Variants in RAB5A observed in about 807,000 individuals in gnomAD.
RAB5A encodes RAB5A, member RAS oncogene family.
Under a neutral mutation model 25.7 loss-of-function variants are expected in RAB5A, and 8 were observed. The observed-to-expected ratio is 0.31, with a 90% CI of 0.18 to 0.56. The LOEUF is 0.56. RAB5A is among the 20% of genes least tolerant of loss of function. RAB5A has a pLI of 0.91. For missense variants in RAB5A, 192 were observed against 259.7 expected, an observed-to-expected ratio of 0.74 and a Z score of 1.79; for synonymous variants, 98 against 89.8, an observed-to-expected ratio of 1.09 and a Z score of -0.52.
At chr3:19,950,246 TCCAAAATTA>T (rs1014440984) in intron 1 of RAB5A, among the ~76,000 whole-genome samples, 12 of 152,182 alleles carry the variant, frequency 7.9e-5, no homozygotes, top group African/African-American at 2.7e-4. Context: ...ATATTTGTTG[TCCAAAATTA>T]CCATTAATTA....
intron 2 of RAB5A, among the ~76,000 whole-genome samples, chr3:19,955,229 A>G (rs2125179865): frequency 6.6e-6 from 1 of 152,342 alleles, no homozygotes; most frequent in East Asian, 1.9e-4. Flanking sequence ...TACCACAGTT[A>G]CAATTTTGTA....
rs1197713741 is a variant in RAB5A, at chr3:19,980,720, C to T, written c.532+2317C>T. ...TTGTGTCCCAGGTACCAGTGTTCAA[C>T]ATTTCTGGGGCTTTGCTTGTAAATA... On this transcript the variant is annotated intron_variant, in intron 5 of 5. Coordinates refer to ENST00000273047, the MANE Select transcript of RAB5A (RefSeq NM_004162.5). Among the ~76,000 whole-genome samples, 4 of 152,136 alleles carry T rather than the reference C, an allele frequency of 2.6e-5. No homozygotes were observed. In the East Asian group the frequency reaches 7.7e-4, roughly 29 times the overall value.
At chr3:19,974,580 G>C (rs1253778778) in intron 2 of RAB5A, among the ~76,000 whole-genome samples, 1 of 151,970 alleles carries the variant, frequency 6.6e-6, no homozygotes, top group Non-Finnish European at 1.5e-5. Context: ...CTAGGTTAAG[G>C]TAATAATGAC....
At chr3:19,966,646 A>C (rs1482672238) in intron 2 of RAB5A, among the ~76,000 whole-genome samples, 2 of 152,158 alleles carry the variant, frequency 1.3e-5, no homozygotes, top group African/African-American at 4.8e-5. Context: ...AAGCAGTTCC[A>C]GTTTCTCCAC....
At chr3:19,963,364 A>AACCCC (rs1696615859) in intron 2 of RAB5A, among the ~76,000 whole-genome samples, 18 of 60,960 alleles carry the variant, frequency 3.0e-4, no homozygotes, top group East Asian at 1.8e-3. Context: ...TTAGAATTTC[A>AACCCC]CCCCCCCCCC....
At chr3:19,951,638 C>T (rs35519937) in intron 2 of RAB5A, among the ~76,000 whole-genome samples, 3 of 150,650 alleles carry the variant, frequency 2.0e-5, no homozygotes, top group South Asian at 4.2e-4. Context: ...CTCAAATGAT[C>T]TTCTTGCCTT....
intron 2 of RAB5A, among the ~76,000 whole-genome samples, chr3:19,962,322 C>A (rs1190471792): frequency 6.6e-6 from 1 of 152,154 alleles, no homozygotes; most frequent in African/African-American, 2.4e-5. Flanking sequence ...GTAATCCCAG[C>A]ACTTTGGGAG....
In RAB5A at chr3:19,982,150, A is replaced by G. The variant is rs543545665; in HGVS notation, c.533-1558A>G. Among the ~76,000 whole-genome samples the G allele has an allele frequency of 4.0e-5, 6 of 151,750 alleles. No individual in the cohort carries two copies. The South Asian group carries it at 8.4e-4, about 21-fold the overall frequency. ...CTACTTGGAAAGCTGAGGTGGGAGG[A>G]TCTTTTGAGCCCAGGAGTTCAAGGC... is the stretch of plus-strand genomic sequence containing the variant. On this transcript the variant is annotated intron_variant, in intron 5 of 5. Transcript: ENST00000273047.
At chr3:19,953,457 G>GAGTGC (rs1361029521) in intron 2 of RAB5A, among the ~76,000 whole-genome samples, 2 of 148,604 alleles carry the variant, frequency 1.3e-5, no homozygotes, top group Non-Finnish European at 3.0e-5. Flanking sequence ...GCCCAGGCTG[G>GAGTGC]AGTGCAGTGG....
intron 2 of RAB5A, chr3:19,970,499 C>G: frequency 2.2e-6 from 1 of 456,240 alleles, no homozygotes; most frequent in South Asian, 1.6e-5. Context: ...GGCCAGCACC[C>G]ACATCTCAAC....
chr3:19,965,298 T>G (rs1696645248), intron 2 of RAB5A, among the ~76,000 whole-genome samples: 1 of 152,016 alleles, frequency 6.6e-6, no homozygotes, highest in Non-Finnish European at 1.5e-5. Context: ...TGTGTGTGCC[T>G]ATAGTCCCAA....
At chr3:19,949,168 A>C (rs1696383729) in intron 1 of RAB5A, among the ~76,000 whole-genome samples, 1 of 152,200 alleles carries the variant, frequency 6.6e-6, no homozygotes, top group African/African-American at 2.4e-5. Flanking sequence ...ATTTTTATTT[A>C]TACCTTGTTA....
chr3:19,971,453 TACG>T (rs938051753), intron 2 of RAB5A, among the ~76,000 whole-genome samples: 1 of 152,026 alleles, frequency 6.6e-6, no homozygotes, highest in African/African-American at 2.4e-5. Flanking sequence ...TGAACAGTAG[TACG>T]GTGGTGGTGG....
At chr3:19,969,045 G>GTTTTTTTTTTTTTTTTTTTTTTTTTT (rs386396075) in intron 2 of RAB5A, among the ~76,000 whole-genome samples, 1 of 103,448 alleles carries the variant, frequency 9.7e-6, no homozygotes, top group Non-Finnish European at 1.7e-5. Context: ...TTTTTTTTTG[G>GTTTTTTTTTTTTTTTTTTTTTTTTTT]TTTTTTTTTT....
chr3:19,951,111 A>C (rs754321196), intron 2 of RAB5A, 50 bp downstream of exon 2: 4 of 1,580,490 alleles, frequency 2.5e-6, no homozygotes, highest in Non-Finnish European at 3.5e-6. Flanking sequence ...ATACATTGAC[A>C]GAAAATATTT....
At chr3:19,951,997 A>G (rs1044099750) in intron 2 of RAB5A, among the ~76,000 whole-genome samples, 2 of 152,148 alleles carry the variant, frequency 1.3e-5, no homozygotes, top group Non-Finnish European at 2.9e-5. Flanking sequence ...GGTAAGATGC[A>G]GGGTGAAAAG....
chr3:19,947,203 G>A lies in RAB5A; in HGVS notation c.-412G>A, dbSNP rs1021532838. On this transcript the variant is annotated 5_prime_UTR_variant, in exon 1 of 6. Transcript: ENST00000273047. Reference sequence around the variant, plus strand: ...TGTTTTGGTTCGTGAAGGAGCCGGCGGCTGGCCTTAGGGGAGGAGGCAGAG... The same window carrying A: ...TGTTTTGGTTCGTGAAGGAGCCGGCAGCTGGCCTTAGGGGAGGAGGCAGAG... 1 of 161,794 alleles carries A rather than the reference G, an allele frequency of 6.2e-6. No homozygotes were observed. Among genetic ancestry groups the A allele is most frequent in the African/African-American group, 2.4e-5 (1 of 41,490 alleles). 10.0% of individuals were successfully genotyped at this position (161,794 alleles called of 1,614,324 possible). A position where few individuals can be genotyped will look rare whatever the true frequency, so the allele number is the denominator to read the frequency against.
rs141453117 is a variant in RAB5A at position 19,949,632 on chromosome 3, G to A, written c.-93-1174G>A. ...AAGATAGAAGGAAACTGTTAAGATT[G>A]GTTTGTGAGTGGATTGAAAAAGGTT... On this transcript the variant is annotated intron_variant, in intron 1 of 5. Transcript: ENST00000273047. Among the ~76,000 whole-genome samples, 450 of 152,272 alleles carry A rather than the reference G, an allele frequency of 3.0e-3. 2 individuals are homozygous for A. Among genetic ancestry groups the A allele is most frequent in the African/African-American group, 0.01 (429 of 41,550 alleles).
intron 2 of RAB5A, among the ~76,000 whole-genome samples, chr3:19,965,419 TAAAAAA>T (rs35939974): frequency 7.1e-6 from 1 of 141,714 alleles, no homozygotes; most frequent in East Asian, 2.1e-4. Context: ...GACCCTGTCT[TAAAAAA>T]AAAAAAAAAA....
Sources: gnomAD v4.1 joint callset for allele counts (sites outside exome capture counted in the v4.1 genomes callset) on GRCh38, gnomAD v4.1.1 for gene constraint, MANE v1.5 for transcripts, NCBI Gene and HGNC (gene_info 2026-07-23, HGNC 2026-07-21) for gene names.